ATG7: variants seen among roughly 807,000 people sequenced by gnomAD.
ATG7 encodes the protein autophagy related 7.
Under a neutral mutation model 82.4 loss-of-function variants are expected in ATG7, and 70 were observed. That is an observed-to-expected ratio of 0.85 (90% confidence interval 0.70 to 1.04). ATG7 has a LOEUF of 1.04. ATG7 is among the 50% of genes least tolerant of loss of function. ATG7 has a pLI of 0.00. For synonymous variants in ATG7, 287 were observed against 313.0 expected, an observed-to-expected ratio of 0.92 and a Z score of 0.88; for missense variants, 792 against 864.3, an observed-to-expected ratio of 0.92 and a Z score of 1.05.
chr3:11,541,869 C>T (rs1438954947), intron 20 of ATG7, among the ~76,000 whole-genome samples: 3 of 152,270 alleles, frequency 2.0e-5, no homozygotes, highest in Non-Finnish European at 4.4e-5. Context: ...CAACCTTCAG[C>T]ATGGCCATTT....
the ATG7 span, among the ~76,000 whole-genome samples, chr3:11,573,180 G>C: frequency 6.6e-6 from 1 of 150,566 alleles, no homozygotes; most frequent in Non-Finnish European, 1.5e-5. Flanking sequence ...AAGAAAGACA[G>C]ACAGACAGAC....
chr3:11,456,465 T>C (rs1294395546), intron 20 of ATG7, among the ~76,000 whole-genome samples: 1 of 152,250 alleles, frequency 6.6e-6, no homozygotes, highest in Non-Finnish European at 1.5e-5. Context: ...AGTTGTTGTA[T>C]GAAGTACACG....
chr3:11,493,070 A>G (rs996019685), intron 20 of ATG7, among the ~76,000 whole-genome samples: 1 of 152,256 alleles, frequency 6.6e-6, no homozygotes, highest in African/African-American at 2.4e-5. Context: ...GTGGATCCCA[A>G]ATTGTTGTCC....
intron 20 of ATG7, among the ~76,000 whole-genome samples, chr3:11,453,684 C>T (rs946009194): frequency 6.6e-6 from 1 of 152,164 alleles, no homozygotes; most frequent in Admixed American, 6.5e-5. Context: ...TGAAAACAGA[C>T]AATTCACATT....
At chr3:11,501,695 A>G (rs2091333489) in intron 20 of ATG7, among the ~76,000 whole-genome samples, 1 of 151,940 alleles carries the variant, frequency 6.6e-6, no homozygotes, top group Non-Finnish European at 1.5e-5. Context: ...TCTGCAATAT[A>G]CTTTTTATTT....
At chr3:11,459,089 T>A (rs1351862934) in intron 20 of ATG7, among the ~76,000 whole-genome samples, 1 of 151,372 alleles carries the variant, frequency 6.6e-6, no homozygotes, top group Non-Finnish European at 1.5e-5. Flanking sequence ...TTGGGACTGC[T>A]GGCCTAGGCG....
chr3:11,402,680 G>T (rs1312363022), intron 19 of ATG7, among the ~76,000 whole-genome samples: 1 of 152,180 alleles, frequency 6.6e-6, no homozygotes, highest in African/African-American at 2.4e-5. Context: ...TCACAGAATA[G>T]AAGGAAAATC....
At chr3:11,473,639 G>C (rs941200825) in intron 20 of ATG7, among the ~76,000 whole-genome samples, 1 of 152,210 alleles carries the variant, frequency 6.6e-6, no homozygotes, top group African/African-American at 2.4e-5. Context: ...GAAACAATGA[G>C]AGTGAATTTA....
At chr3:11,435,348 C>G (rs1045354185) in intron 20 of ATG7, among the ~76,000 whole-genome samples, 2 of 152,130 alleles carry the variant, frequency 1.3e-5, no homozygotes, top group Non-Finnish European at 2.9e-5. Context: ...TCACCAGACT[C>G]GGTGCCACTT....
At chr3:11,546,925 C>G (rs2071344409) in intron 20 of ATG7, among the ~76,000 whole-genome samples, 1 of 152,278 alleles carries the variant, frequency 6.6e-6, no homozygotes, top group African/African-American at 2.4e-5. Flanking sequence ...CTCTCCCTAA[C>G]TGTCCAAGCC....
At chr3:11,454,082 A>G (rs1051329222) in intron 20 of ATG7, among the ~76,000 whole-genome samples, 9 of 152,152 alleles carry the variant, frequency 5.9e-5, no homozygotes, top group Admixed American at 2.0e-4. Context: ...AGCAGGTCTG[A>G]CCAGCATTTT....
chr3:11,429,018 C>G (rs1024070512), intron 20 of ATG7, among the ~76,000 whole-genome samples: 1 of 152,116 alleles, frequency 6.6e-6, no homozygotes, highest in Non-Finnish European at 1.5e-5. Context: ...CATCCACGAG[C>G]CTGAGTTTTC....
At chr3:11,281,296 T>C (rs1452226858) in intron 2 of ATG7, among the ~76,000 whole-genome samples, 194 bp downstream of exon 2, 1 of 152,192 alleles carries the variant, frequency 6.6e-6, no homozygotes, top group Non-Finnish European at 1.5e-5. Flanking sequence ...GGCTACCATG[T>C]CTTGAGCTAA....
chr3:11,386,457 T>C (rs912789566), intron 19 of ATG7, among the ~76,000 whole-genome samples: 1 of 152,160 alleles, frequency 6.6e-6, no homozygotes, highest in Non-Finnish European at 1.5e-5. Context: ...GGATTTATGG[T>C]ACTATATTGA....
intron 11 of ATG7, among the ~76,000 whole-genome samples, chr3:11,338,609 G>C (rs1302190834): frequency 6.6e-6 from 1 of 152,122 alleles, no homozygotes; most frequent in Non-Finnish European, 1.5e-5. Flanking sequence ...GAGCCCAGGA[G>C]TTCAAGACCA....
In ATG7 at chr3:11,412,151, A is replaced by G. The variant is rs1251057430; in HGVS notation, c.1957-14653A>G. Reference sequence around the variant, plus strand: ...TCCATCTCCCTGACTGACTAAAACTAGGGCTTTATATAGCAGGGAGGAAAC... The same window carrying G: ...TCCATCTCCCTGACTGACTAAAACTGGGGCTTTATATAGCAGGGAGGAAAC... On this transcript the variant is annotated intron_variant, in intron 19 of 20. Transcript: ENST00000693202. Among the ~76,000 whole-genome samples, 4 of 152,154 alleles carry G rather than the reference A, an allele frequency of 2.6e-5. No individual in the cohort carries two copies. The East Asian group carries it at 7.7e-4, about 29-fold the overall frequency.
At chr3:11,305,049 TTC>T (rs1205765281) in intron 5 of ATG7, among the ~76,000 whole-genome samples, 2 of 152,142 alleles carry the variant, frequency 1.3e-5, no homozygotes, top group African/African-American at 4.8e-5. Flanking sequence ...TAACTCTACT[TTC>T]TGTCTCTGAG....
Position 11,539,818 on chromosome 3 carries a change from C to G in ATG7, c.2080-14993C>G, listed in dbSNP as rs79031426. ...ACTCGCTTGTGGAACCAGCACAGTT[C>G]GGCGACATCGAGCAGGTCTGTCTGG... On this transcript the variant is annotated intron_variant, in intron 20 of 20. Transcript: ENST00000693202. Among the ~76,000 whole-genome samples, 1,306 of 152,344 alleles carry G rather than the reference C, an allele frequency of 8.6e-3. 12 individuals are homozygous for G. Among genetic ancestry groups the G allele is most frequent in the Admixed American group, 0.011 (161 of 15,304 alleles).
At chr3:11,333,177 A>G in intron 11 of ATG7, 84 bp downstream of exon 11, 2 of 1,417,044 alleles carry the variant, frequency 1.4e-6, no homozygotes, top group Admixed American at 2.7e-5. Flanking sequence ...TATCGTCACA[A>G]TGGCAGAAGA....
Sources: gnomAD v4.1 joint callset for allele counts (sites outside exome capture counted in the v4.1 genomes callset) on GRCh38, gnomAD v4.1.1 for gene constraint, MANE v1.5 for transcripts, NCBI Gene and HGNC (gene_info 2026-07-23, HGNC 2026-07-21) for gene names.